Variants in CDC42SE2 observed in about 807,000 individuals in gnomAD.
The protein encoded by CDC42SE2 is CDC42 small effector protein 2.
In CDC42SE2, 3 loss-of-function variants were observed where a neutral mutation model predicts 11.5. That is an observed-to-expected ratio of 0.26 (90% CI 0.12 to 0.67). CDC42SE2 has a LOEUF of 0.67. Among genes scored for constraint, CDC42SE2 ranks in the 30% least tolerant of loss-of-function variants. The probability of loss-of-function intolerance (pLI) is 0.80; values close to 1 mark genes in which losing one functional copy is unlikely to be tolerated. For missense variants in CDC42SE2, 82 were observed against 106.8 expected (o/e 0.77, Z 1.02); for synonymous variants, 33 against 34.8 (o/e 0.95, Z 0.18).
intron 2 of CDC42SE2, among the ~76,000 whole-genome samples, chr5:131,338,221 C>G (rs1453208046): frequency 6.6e-6 from 1 of 152,198 alleles, no homozygotes; most frequent in Admixed American, 6.5e-5. Flanking sequence ...GTAGGCACCT[C>G]TTGTTAACAC....
At chr5:131,304,928 G>A (rs776469254) in intron 1 of CDC42SE2, among the ~76,000 whole-genome samples, 3 of 152,014 alleles carry the variant, frequency 2.0e-5, no homozygotes, top group Non-Finnish European at 4.4e-5. Context: ...GATAAATTTT[G>A]GCATGTGTAT....
intron 1 of CDC42SE2, among the ~76,000 whole-genome samples, chr5:131,278,474 G>A (rs1284637790): frequency 7.1e-6 from 1 of 141,566 alleles, no homozygotes; most frequent in Admixed American, 7.3e-5. Context: ...TGCTGGAACT[G>A]GTTAGCTGAT....
chr5:131,333,325 A>G (rs979141476), intron 2 of CDC42SE2, among the ~76,000 whole-genome samples: 3 of 152,192 alleles, frequency 2.0e-5, no homozygotes, highest in Admixed American at 6.5e-5. Flanking sequence ...CCATTGGTCT[A>G]TATCTCTGTT....
At chr5:131,228,220 A>G in the CDC42SE2 span, among the ~76,000 whole-genome samples, 9 of 151,996 alleles carry the variant, frequency 5.9e-5, no homozygotes, top group African/African-American at 2.2e-4. Flanking sequence ...AAAAAAAATT[A>G]TCCAGGTGTG....
intron 1 of CDC42SE2, among the ~76,000 whole-genome samples, chr5:131,268,545 C>T (rs1756921279): frequency 6.6e-6 from 1 of 150,988 alleles, no homozygotes; most frequent in Admixed American, 6.6e-5. Context: ...CTCCACCTCC[C>T]CGGTTCAAAC....
At chr5:131,287,512 G>A (rs193218373) in intron 1 of CDC42SE2, among the ~76,000 whole-genome samples, 2 of 150,540 alleles carry the variant, frequency 1.3e-5, no homozygotes, top group East Asian at 2.0e-4. Context: ...ATGCCCAGGC[G>A]AGTGCAGTGG....
At chr5:131,347,416 C>G (rs997350131) in intron 2 of CDC42SE2, among the ~76,000 whole-genome samples, 1 of 152,138 alleles carries the variant, frequency 6.6e-6, no homozygotes, top group African/African-American at 2.4e-5. Flanking sequence ...GGATAAATTA[C>G]TCGACACATA....
intron 1 of CDC42SE2, among the ~76,000 whole-genome samples, chr5:131,268,503 A>G (rs1756920116): frequency 6.7e-6 from 1 of 149,038 alleles, no homozygotes; most frequent in Non-Finnish European, 1.5e-5. Context: ...CCCAGGGTGG[A>G]GTGAAATGGT....
the CDC42SE2 span, among the ~76,000 whole-genome samples, chr5:131,223,903 C>G: frequency 6.6e-6 from 1 of 152,170 alleles, no homozygotes. Context: ...AGCAAGTGTC[C>G]TCCATGTTGA....
At chr5:131,274,524 T>G (rs963068196) in intron 1 of CDC42SE2, among the ~76,000 whole-genome samples, 1 of 152,258 alleles carries the variant, frequency 6.6e-6, no homozygotes, top group Non-Finnish European at 1.5e-5. Context: ...ACATGCTGCT[T>G]CTGCTGTTTT....
chr5:131,359,274 G>GTC lies in CDC42SE2; in HGVS notation c.-216_-215dup. Reference sequence around the variant, plus strand: ...TACCTTCGTCGTGGTTCAGAAAGGAGTCTCTGTAGAACCAGAAGCAAAGAA... The same window carrying GTC: ...TACCTTCGTCGTGGTTCAGAAAGGAGTCTCTCTGTAGAACCAGAAGCAAAGAA... On this transcript the variant is annotated 5_prime_UTR_variant, in exon 3 of 5. Coordinates refer to ENST00000505065, the MANE Select transcript of CDC42SE2 (RefSeq NM_001375635.1). 1.7e-6 allele frequency: 1 copy of GTC among 577,396 alleles called. No homozygotes were observed. The highest frequency in any genetic ancestry group is 2.2e-5 in the South Asian group (1 of 46,506). 35.8% of individuals were successfully genotyped at this position (577,396 alleles called of 1,614,324 possible).
At chr5:131,228,588 A>G in the CDC42SE2 span, among the ~76,000 whole-genome samples, 7 of 152,290 alleles carry the variant, frequency 4.6e-5, no homozygotes, top group South Asian at 1.5e-3. Flanking sequence ...ATTTTTTCCT[A>G]TAGTGCAAAT....
At chr5:131,313,882 C>G (rs1024618483) in intron 1 of CDC42SE2, among the ~76,000 whole-genome samples, 1 of 152,114 alleles carries the variant, frequency 6.6e-6, no homozygotes, top group African/African-American at 2.4e-5. Context: ...GGCCGTAGTG[C>G]AGTGGCATGA....
At chr5:131,217,933 G>T in the CDC42SE2 span, among the ~76,000 whole-genome samples, 1 of 152,184 alleles carries the variant, frequency 6.6e-6, no homozygotes, top group African/African-American at 2.4e-5. Context: ...TCAGCACTTT[G>T]AGAGGCCGAG....
At chr5:131,354,832 A>T (rs924680221) in intron 2 of CDC42SE2, 9 of 152,176 alleles carry the variant, frequency 5.9e-5, no homozygotes, top group Non-Finnish European at 1.2e-4. Flanking sequence ...CGTAAAAAAA[A>T]ATTTAAAATT....
chr5:131,328,735 C>T (rs1366214221), intron 2 of CDC42SE2, among the ~76,000 whole-genome samples: 1 of 151,964 alleles, frequency 6.6e-6, no homozygotes, highest in Non-Finnish European at 1.5e-5. Context: ...TGTCTGTGTC[C>T]CTTGCGGGGT....
At chr5:131,216,903 G>T in the CDC42SE2 span, among the ~76,000 whole-genome samples, 1 of 152,272 alleles carries the variant, frequency 6.6e-6, no homozygotes, top group Middle Eastern at 3.4e-3. Flanking sequence ...TGGAGAAGTT[G>T]ATATTGATTC....
At chr5:131,275,462 A>G (rs1757082874) in intron 1 of CDC42SE2, among the ~76,000 whole-genome samples, 1 of 151,780 alleles carries the variant, frequency 6.6e-6, no homozygotes, top group Admixed American at 6.6e-5. Context: ...AGGCCAGGCT[A>G]ATTTTGTTTT....
At chr5:131,294,761 G>A (rs577812923) in intron 1 of CDC42SE2, among the ~76,000 whole-genome samples, 6 of 152,304 alleles carry the variant, frequency 3.9e-5, no homozygotes, top group Admixed American at 6.5e-5. Context: ...GGAGGCTGAG[G>A]CGGGCAGATC....
Sources: allele counts gnomAD v4.1 joint callset (sites outside exome capture counted in the v4.1 genomes callset), GRCh38; gene constraint gnomAD v4.1.1; transcripts MANE v1.5; gene names NCBI Gene and HGNC (gene_info 2026-07-23, HGNC 2026-07-21).